The following KDM5B variants were observed in gnomAD, a reference collection of about 807,000 sequenced individuals.
KDM5B encodes lysine-specific demethylase 5B.
In KDM5B, 144 loss-of-function variants were observed where a neutral mutation model predicts 193.4. The ratio of observed to expected loss-of-function variants is 0.74; its 90% CI spans 0.65 to 0.86. KDM5B has a LOEUF of 0.86. Ranked by LOEUF, KDM5B falls within the 40% of genes least tolerant of loss-of-function variation. The pLI, the probability that KDM5B is intolerant of heterozygous loss-of-function variation, is 0.00. For missense variants in KDM5B, 1,833 were observed against 1,886.9 expected, an observed-to-expected ratio of 0.97 and a Z score of 0.53; for synonymous variants, 668 against 682.6, an observed-to-expected ratio of 0.98 and a Z score of 0.33.
chr1:202,762,824 C>A lies in KDM5B; in HGVS notation c.809-16G>T. On this transcript the variant is annotated splice_polypyrimidine_tract_variant and intron_variant, in intron 6 of 26. Coordinates refer to ENST00000367265, the MANE Select transcript of KDM5B (RefSeq NM_006618.5). ...ATTTCTTTCTCTGTAGGAGGCAATC[C>A]AAAATTAGCTCTTTATGATGCTTTT... 1.5e-6 allele frequency: 2 copies of A among 1,367,920 alleles called. No individual in the cohort carries two copies. Among genetic ancestry groups the A allele is most frequent in the Non-Finnish European group, 2.1e-6 (2 of 957,744 alleles). 84.7% of individuals were successfully genotyped at this position (1,367,920 alleles called of 1,614,324 possible). A position where few individuals can be genotyped will look rare whatever the true frequency, so the allele number is the denominator to read the frequency against.
chr1:202,753,664 G>GTTTTTTTTTTTTTTTTTTTTTTTTTTTT (rs771281999), intron 11 of KDM5B, among the ~76,000 whole-genome samples: 1 of 105,786 alleles, frequency 9.5e-6, no homozygotes. Flanking sequence ...TGTTGTTGTT[G>GTTTTTTTTTTTTTTTTTTTTTTTTTTTT]TTTTTTTTTT....
intron 1 of KDM5B, among the ~76,000 whole-genome samples, chr1:202,784,396 A>T (rs1037367564): frequency 3.9e-5 from 6 of 152,228 alleles, no homozygotes; most frequent in African/African-American, 9.6e-5. Context: ...CATTGTTTTA[A>T]TTGTATATGT....
chr1:202,753,554 T>TATGA (rs36118862), intron 11 of KDM5B, among the ~76,000 whole-genome samples: 101,789 of 151,496 alleles, frequency 0.67, 36,799 homozygotes, highest in Admixed American at 0.82. Flanking sequence ...CCCCTTCAAG[T>TATGA]ATGAACAGAA....
chr1:202,770,338 C>G (rs1045114639), intron 4 of KDM5B, among the ~76,000 whole-genome samples: 1 of 152,058 alleles, frequency 6.6e-6, no homozygotes, highest in African/African-American at 2.4e-5. Flanking sequence ...GGCCTCTGTT[C>G]CACTGGAACA....
At chr1:202,744,085 A>G (rs1052993280) in intron 16 of KDM5B, among the ~76,000 whole-genome samples, 2 of 152,256 alleles carry the variant, frequency 1.3e-5, no homozygotes, top group Admixed American at 6.5e-5. Flanking sequence ...CAAACTGTGC[A>G]TCTGACAAAG....
intron 1 of KDM5B, among the ~76,000 whole-genome samples, chr1:202,784,809 A>AC (rs1657339735): frequency 6.6e-6 from 1 of 152,178 alleles, no homozygotes; most frequent in Non-Finnish European, 1.5e-5. Flanking sequence ...GGAGGCCCAG[A>AC]CAGGCCTTGA....
intron 1 of KDM5B, among the ~76,000 whole-genome samples, chr1:202,790,963 A>G (rs1657619672): frequency 6.6e-6 from 1 of 152,180 alleles, no homozygotes; most frequent in African/African-American, 2.4e-5. Flanking sequence ...TTATATCAAC[A>G]CAAATGAACT....
At chr1:202,736,853 G>A (rs1381167379) in intron 20 of KDM5B, among the ~76,000 whole-genome samples, 1 of 152,082 alleles carries the variant, frequency 6.6e-6, no homozygotes, top group Non-Finnish European at 1.5e-5. Context: ...TGTTGGCCAG[G>A]CTGGTCTCAA....
At chr1:202,731,581 T>C (rs1038526445) in intron 24 of KDM5B, among the ~76,000 whole-genome samples, 5 of 152,232 alleles carry the variant, frequency 3.3e-5, no homozygotes, top group Admixed American at 1.3e-4. Flanking sequence ...GCTTGGTGTT[T>C]ATCAGCTGGT....
chr1:202,729,260 T>C (rs1472482036), intron 26 of KDM5B, 87 bp from the exon 27 acceptor site: 3 of 1,480,240 alleles, frequency 2.0e-6, no homozygotes, highest in Non-Finnish European at 2.8e-6. Context: ...ATTCAGGCCG[T>C]TTGCCAATAA....
At chr1:202,753,670 TTTTTG>T (rs759634315) in intron 11 of KDM5B, among the ~76,000 whole-genome samples, 5,031 of 117,694 alleles carry the variant, frequency 0.043, 245 homozygotes, top group East Asian at 0.25. Context: ...TGTTGTTTTT[TTTTTG>T]TTTTTTTTTT....
chr1:202,771,073 T>G (rs1044909843), intron 4 of KDM5B, among the ~76,000 whole-genome samples: 4 of 152,210 alleles, frequency 2.6e-5, no homozygotes, highest in Non-Finnish European at 5.9e-5. Flanking sequence ...TTAAAGGGAC[T>G]CTCTCTCCCT....
At chr1:202,737,759 A>G (rs1655149481) in intron 20 of KDM5B, among the ~76,000 whole-genome samples, 1 of 152,202 alleles carries the variant, frequency 6.6e-6, no homozygotes, top group African/African-American at 2.4e-5. Flanking sequence ...GACATGAGAA[A>G]AAGTGGGGTG....
In KDM5B at chr1:202,735,411, G is replaced by T; in HGVS notation, c.3423+18C>A. 6.3e-7 allele frequency: 1 copy of T among 1,598,392 alleles called. No homozygotes were observed. Among genetic ancestry groups the T allele is most frequent in the Non-Finnish European group, 8.5e-7 (1 of 1,173,966 alleles). On this transcript the variant is annotated intron_variant, in intron 22 of 26. Coordinates refer to ENST00000367265, the MANE Select transcript of KDM5B (RefSeq NM_006618.5). ...CTTCCCAATAACATAGAAAGGAGAA[G>T]AAAAAAACCCTACATACAGCTGAAG...
chr1:202,746,169 G>A lies in KDM5B; in HGVS notation c.2171C>T (p.Ser724Phe). 4 of 1,612,854 alleles carry A rather than the reference G, an allele frequency of 2.5e-6. No individual in the cohort carries two copies. Among genetic ancestry groups the A allele is most frequent in the Non-Finnish European group, 3.4e-6 (4 of 1,179,484 alleles). Residue 724 changes from serine (S) to phenylalanine (F), a missense_variant, in exon 15 of 27, where the codon TCC becomes TTC. By Grantham distance (155) the Ser-to-Phe change is radical. Transcript: ENST00000367265. ...CAATTTATATTTGTAAGGAGGACAG[G>A]AACACAATTCTTTTACATGATGCAG... ...VCLHHVKELC[S>F]CPPYKYKLRY... is the part of the protein sequence containing the mutation.
chr1:202,752,720 G>A (rs12133311), intron 12 of KDM5B, among the ~76,000 whole-genome samples, 185 bp downstream of exon 12: 102,347 of 152,086 alleles, frequency 0.67, 37,064 homozygotes, highest in Admixed American at 0.82. Flanking sequence ...ATTAGTTTTT[G>A]TGGTATCTAA....
At position 202,733,628 on chromosome 1, in the gene KDM5B, G is replaced by A; in HGVS notation, c.3682C>T (p.Pro1228Ser). The change falls in exon 23 of 27, where the codon CCA becomes TCA. Residue 1228 changes from proline to serine, a missense_variant. Around this residue, in one of 3 missense-constraint regions of KDM5B, gnomAD observed 1,379 missense variants for 1,349.6 expected, o/e 1.02. Transcript: ENST00000367265. ...CPHCRRSEKP[P>S]LEKILPLLAS... ...AGCAGGGGCAGAATTTTCTCTAATG[G>A]AGGTTTCTCTGACCTCCGACAATGG... 6.2e-7 allele frequency: 1 copy of A among 1,614,126 alleles called. No individual in the cohort carries two copies. Among genetic ancestry groups the A allele is most frequent in the Non-Finnish European group, 8.5e-7 (1 of 1,180,018 alleles).
chr1:202,729,478 G>A (rs1654794005), intron 26 of KDM5B: 2 of 593,422 alleles, frequency 3.4e-6, no homozygotes, highest in Non-Finnish European at 5.9e-6. Context: ...GTGAAAGCTG[G>A]AAGAGCAAGA....
At chr1:202,729,572 G>A in intron 26 of KDM5B, 135 bp downstream of exon 26, 1 of 711,242 alleles carries the variant, frequency 1.4e-6, no homozygotes, top group Non-Finnish European at 2.3e-6. Flanking sequence ...TATCAGTGGG[G>A]GAAGGGCTGA....
Sources: allele counts gnomAD v4.1 joint callset (sites outside exome capture counted in the v4.1 genomes callset), GRCh38; gene constraint gnomAD v4.1.1; regional missense constraint gnomAD v4.1.1; transcripts MANE v1.5; gene names NCBI Gene and HGNC (gene_info 2026-07-23, HGNC 2026-07-21).